Variants in CYP2C19 observed in about 807,000 individuals in gnomAD.
CYP2C19 encodes cytochrome P450 family 2 subfamily C member 19.
Under a neutral mutation model 40.9 loss-of-function variants are expected in CYP2C19, and 59 were observed. The observed-to-expected ratio is 1.44, with a 90% CI of 1.17 to 1.79. The LOEUF (loss-of-function observed/expected upper bound fraction) is 1.79, where lower values mean the gene tolerates loss of function less well. Ranked by LOEUF, CYP2C19 falls within the 40% of genes most tolerant of loss-of-function variation. The pLI is 0.00. For missense variants in CYP2C19, 754 were observed against 596.9 expected, an observed-to-expected ratio of 1.26 and a Z score of -2.74; for synonymous variants, 253 against 208.7, an observed-to-expected ratio of 1.21 and a Z score of -1.83.
At chr10:94,847,323 C>T (rs1487346696) in intron 7 of CYP2C19, among the ~76,000 whole-genome samples, 2 of 151,944 alleles carry the variant, frequency 1.3e-5, no homozygotes, top group East Asian at 1.9e-4. Flanking sequence ...TGAGAATATG[C>T]GGTGTTTGGT....
chr10:94,793,660 G>A (rs1456074988), intron 5 of CYP2C19, among the ~76,000 whole-genome samples: 2 of 152,132 alleles, frequency 1.3e-5, no homozygotes, highest in Non-Finnish European at 2.9e-5. Context: ...CACCAGTGGA[G>A]GCTGCAGAAC....
chr10:94,812,873 A>T lies in CYP2C19; in HGVS notation c.820-7623A>T, dbSNP rs527755956. Among the ~76,000 whole-genome samples, 4 of 152,096 alleles carry T rather than the reference A, an allele frequency of 2.6e-5. No individual in the cohort carries two copies. The East Asian group carries it at 7.7e-4, about 29-fold the overall frequency. On this transcript the variant is annotated intron_variant, in intron 5 of 8. Coordinates refer to ENST00000371321, the MANE Select transcript of CYP2C19 (RefSeq NM_000769.4). ...TGAAGCCTACTTCTGTCAATTCATC[A>T]AATTCTTTCTCTGTCCAGTTTTGTC...
rs572691375 is a variant in CYP2C19, at chr10:94,813,818, G to A, written c.820-6678G>A. ...ATGGTTCTGACTTGCTGGTGTTACAGCACCACTGGGGCATAAAAAAAACCC... is the reference window on the plus strand; with the variant it reads ...ATGGTTCTGACTTGCTGGTGTTACAACACCACTGGGGCATAAAAAAAACCC... On this transcript the variant is annotated intron_variant, in intron 5 of 8. Coordinates refer to ENST00000371321, the MANE Select transcript of CYP2C19 (RefSeq NM_000769.4). Among the ~76,000 whole-genome samples the A allele has an allele frequency of 1.2e-4, 18 of 151,526 alleles. No individual in the cohort carries two copies. The East Asian group carries it at 3.1e-3, about 26-fold the overall frequency.
At chr10:94,781,712 AAT>A (rs1458200585) in intron 4 of CYP2C19, 107 bp from the exon 5 acceptor site, 2 of 454,008 alleles carry the variant, frequency 4.4e-6, no homozygotes, top group Non-Finnish European at 7.1e-6. Flanking sequence ...CAAGATATAC[AAT>A]ATATTTTATT....
chr10:94,828,139 G>C (rs1217684089), intron 6 of CYP2C19, among the ~76,000 whole-genome samples: 1 of 152,144 alleles, frequency 6.6e-6, no homozygotes, highest in African/African-American at 2.4e-5. Flanking sequence ...TGTATATTCT[G>C]TTGATTTGGG....
intron 5 of CYP2C19, among the ~76,000 whole-genome samples, chr10:94,799,006 A>C (rs555909718): frequency 5.9e-5 from 9 of 151,964 alleles, no homozygotes; most frequent in African/African-American, 2.2e-4. Context: ...ATTTACATTT[A>C]AGGTTAATAT....
In CYP2C19 at chr10:94,775,225, G is replaced by A. The variant is rs753021273; in HGVS notation, c.331+5G>A. ...AAAGAGCTAACAGAGGATTTGGTAG[G>A]TGTGCAAGTGCCTGTTTCAGCATCT... On this transcript the variant is annotated splice_donor_5th_base_variant and intron_variant, in intron 2 of 8. Transcript: ENST00000371321. 4.7e-4 allele frequency: 764 copies of A among 1,613,946 alleles called. No individual in the cohort carries two copies. Among genetic ancestry groups the A allele is most frequent in the Non-Finnish European group, 6.3e-4 (742 of 1,180,020 alleles).
In CYP2C19 at chr10:94,783,531, T is replaced by C. The variant is rs186726257; in HGVS notation, c.819+1534T>C. Among the ~76,000 whole-genome samples the C allele has an allele frequency of 7.2e-5, 11 of 152,288 alleles. No individual in the cohort carries two copies. The East Asian group carries it at 1.9e-3, about 27-fold the overall frequency. On this transcript the variant is annotated intron_variant, in intron 5 of 8. Transcript: ENST00000371321. Reference sequence around the variant, plus strand: ...CACCTCTTTTGTCATTGCACCATTTTTGAAGAGGCTATTTTTTCCTCCTAT... The same window carrying C: ...CACCTCTTTTGTCATTGCACCATTTCTGAAGAGGCTATTTTTTCCTCCTAT...
intron 6 of CYP2C19, among the ~76,000 whole-genome samples, chr10:94,826,656 C>T (rs1463277282): frequency 6.6e-6 from 1 of 152,190 alleles, no homozygotes; most frequent in East Asian, 1.9e-4. Flanking sequence ...TTATTTCCTT[C>T]TCCTGCCTAA....
intron 3 of CYP2C19, among the ~76,000 whole-genome samples, chr10:94,778,969 T>C (rs973298414): frequency 6.6e-6 from 1 of 152,140 alleles, no homozygotes. Flanking sequence ...TGCAGGGACA[T>C]GGATGAAGCT....
intron 6 of CYP2C19, among the ~76,000 whole-genome samples, chr10:94,837,556 G>A (rs1024403146): frequency 6.6e-6 from 1 of 152,166 alleles, no homozygotes; most frequent in African/African-American, 2.4e-5. Context: ...AATTAGAAAA[G>A]CATGTGAAAA....
rs992581434 is a variant in CYP2C19, at chr10:94,787,386, C to T, written c.819+5389C>T. Among the ~76,000 whole-genome samples, 24 of 151,930 alleles carry T rather than the reference C, an allele frequency of 1.6e-4. 1 individual carries two copies. Among genetic ancestry groups the T allele is most frequent in the South Asian group, 4.1e-4 (2 of 4,828 alleles). The stretch of plus-strand genomic sequence containing the variant: ...ATTGTCTAAGTACCTTATAGATTCT[C>T]GCTATTGGACCATTGTTAGAATCAC... On this transcript the variant is annotated intron_variant, in intron 5 of 8. Coordinates refer to ENST00000371321, the MANE Select transcript of CYP2C19 (RefSeq NM_000769.4).
chr10:94,780,092 T>C (rs959322069), intron 3 of CYP2C19, among the ~76,000 whole-genome samples: 13 of 152,280 alleles, frequency 8.5e-5, no homozygotes, highest in African/African-American at 3.1e-4. Flanking sequence ...GAGCTATTTG[T>C]TGTAATATAA....
At chr10:94,821,194 G>A (rs918012517) in intron 6 of CYP2C19, among the ~76,000 whole-genome samples, 1 of 152,194 alleles carries the variant, frequency 6.6e-6, no homozygotes, top group Non-Finnish European at 1.5e-5. Flanking sequence ...AAGCAATAGA[G>A]CTCTGGCCCA....
intron 5 of CYP2C19, among the ~76,000 whole-genome samples, chr10:94,799,333 C>G (rs1405017124): frequency 6.6e-6 from 1 of 151,690 alleles, no homozygotes; most frequent in Non-Finnish European, 1.5e-5. Flanking sequence ...TATTGGCCCT[C>G]ACTCTCTTTT....
chr10:94,823,474 T>G (rs1849161145), intron 6 of CYP2C19, among the ~76,000 whole-genome samples: 1 of 152,228 alleles, frequency 6.6e-6, no homozygotes, highest in Non-Finnish European at 1.5e-5. Context: ...CAGCTAGCGT[T>G]ATCCTACAGA....
Position 94,853,060 on chromosome 10 carries a change from T to A in CYP2C19, c.*146T>A. ...GATCTAGTGAACATTCAGCCTCCAT[T>A]AAAAAAGTTTCACTGTGCAAATATA... On this transcript the variant is annotated 3_prime_UTR_variant, in exon 9 of 9. Transcript: ENST00000371321. 1.2e-6 allele frequency: 1 copy of A among 852,074 alleles called. No homozygotes were observed. The highest frequency in any genetic ancestry group is 1.8e-6 in the Non-Finnish European group (1 of 559,596). The allele number at this position is 852,074 out of a possible 1,614,324, so 52.8% of individuals were successfully genotyped here.
rs114038634 is a variant in CYP2C19, at chr10:94,851,897, T to C, written c.1292-836T>C. ...ATTCAGACCATAGCACATTTTTCAA[T>C]GGAAGCATGAACATGATGTTGAGGA... On this transcript the variant is annotated intron_variant, in intron 8 of 8. Coordinates refer to ENST00000371321, the MANE Select transcript of CYP2C19 (RefSeq NM_000769.4). Among the ~76,000 whole-genome samples the C allele has an allele frequency of 3.1e-3, 472 of 152,284 alleles. 3 individuals are homozygous for C. The highest frequency in any genetic ancestry group is 0.011 in the African/African-American group (449 of 41,552).
chr10:94,848,264 A>G (rs1483935188), intron 7 of CYP2C19, among the ~76,000 whole-genome samples: 3 of 152,194 alleles, frequency 2.0e-5, no homozygotes, highest in African/African-American at 4.8e-5. Flanking sequence ...ATAAGGTGTA[A>G]AGAAGGGATC....
Sources: allele counts gnomAD v4.1 joint callset (sites outside exome capture counted in the v4.1 genomes callset), GRCh38; gene constraint gnomAD v4.1.1; transcripts MANE v1.5; gene names NCBI Gene and HGNC (gene_info 2026-07-23, HGNC 2026-07-21).